Variants in GCLC observed in about 807,000 individuals in gnomAD.
GCLC encodes glutamate-cysteine ligase catalytic subunit.
A neutral mutation model predicts 81.5 loss-of-function variants in GCLC; 30 were observed. The ratio of observed to expected loss-of-function variants is 0.37; its 90% CI spans 0.28 to 0.50. The LOEUF is 0.50. Among genes scored for constraint, GCLC ranks in the 20% least tolerant of loss-of-function variants. GCLC has a pLI of 0.96. For synonymous variants in GCLC, 262 were observed against 273.3 expected, an observed-to-expected ratio of 0.96 and a Z score of 0.41; for missense variants, 556 against 777.4, an observed-to-expected ratio of 0.72 and a Z score of 3.39.
intron 4 of GCLC, among the ~76,000 whole-genome samples, chr6:53,515,719 A>C (rs1406050854): frequency 6.6e-6 from 1 of 152,222 alleles, no homozygotes; most frequent in East Asian, 1.9e-4. Flanking sequence ...AGTTATATAG[A>C]GTAAGATGGG....
In GCLC at chr6:53,506,403, T is replaced by A. The variant is rs777379235; in HGVS notation, c.1198-508A>T. The A allele has an allele frequency of 1.3e-4, 28 of 217,258 alleles. 1 individual carries two copies. In the South Asian group the frequency reaches 1.9e-3, roughly 15 times the overall value. The allele number at this position is 217,258 out of a possible 1,614,324, so 13.5% of individuals were successfully genotyped here. On this transcript the variant is annotated intron_variant, in intron 10 of 15. Coordinates refer to ENST00000650454, the MANE Select transcript of GCLC (RefSeq NM_001498.4). The surrounding 1 kb of genome is among the most constrained non-coding windows in gnomAD (Gnocchi z 4.0). ...CCGTCCTGACCATCTTGGGACCCGA[T>A]GGCAAGACTGGAAGGATTTATATCT...
chr6:53,514,542 A>T (rs376071415), intron 4 of GCLC, 45 bp from the exon 5 acceptor site: 3 of 1,361,866 alleles, frequency 2.2e-6, no homozygotes, highest in Non-Finnish European at 2.1e-6. Flanking sequence ...CCTAAGAGTC[A>T]TCGTGTAAAA....
rs75251208 is a variant in GCLC at position 53,530,706 on chromosome 6, G to A, written c.151-8179C>T. Among the ~76,000 whole-genome samples, 1,125 of 152,278 alleles carry A rather than the reference G, an allele frequency of 7.4e-3. 8 individuals are homozygous for A. Among genetic ancestry groups the A allele is most frequent in the African/African-American group, 0.022 (929 of 41,546 alleles). On this transcript the variant is annotated intron_variant, in intron 1 of 15. Transcript: ENST00000650454. The stretch of plus-strand genomic sequence containing the variant: ...TTTACCAAGCATATTCAATGGTGTC[G>A]TTTTGAAAGAGTGCTGGCATTTCAC...
At chr6:53,520,270 G>C (rs551180044) in intron 3 of GCLC, among the ~76,000 whole-genome samples, 1 of 152,158 alleles carries the variant, frequency 6.6e-6, no homozygotes, top group Non-Finnish European at 1.5e-5. Context: ...AATGACTCAC[G>C]TTGTTCATAG....
intron 3 of GCLC, among the ~76,000 whole-genome samples, chr6:53,517,470 T>C (rs192057321): frequency 6.6e-6 from 1 of 152,150 alleles, no homozygotes; most frequent in Admixed American, 6.5e-5. Context: ...CAAATCCACC[T>C]TGTAAACAAT....
chr6:53,534,818 A>C (rs542295210), intron 1 of GCLC, among the ~76,000 whole-genome samples: 1 of 152,224 alleles, frequency 6.6e-6, no homozygotes, highest in Non-Finnish European at 1.5e-5. Flanking sequence ...GAAATGAAAG[A>C]TGTAAGTAGA....
intron 13 of GCLC, 27 bp downstream of exon 13, chr6:53,500,402 TGAC>T: frequency 6.2e-7 from 1 of 1,604,712 alleles, no homozygotes; most frequent in Non-Finnish European, 8.5e-7. Flanking sequence ...CAGCATAAGC[TGAC>T]ATTAGAAATC....
rs1352606031 is a variant in GCLC, at chr6:53,545,031, C to A, written c.-386G>T. The A allele has an allele frequency of 6.1e-6, 1 of 163,370 alleles. No individual in the cohort carries two copies. The highest frequency in any genetic ancestry group is 1.3e-5 in the Non-Finnish European group (1 of 75,822). The allele number at this position is 163,370 out of a possible 1,614,324, so 10.1% of individuals were successfully genotyped here. A position where few individuals can be genotyped will look rare whatever the true frequency, so the allele number is the denominator to read the frequency against. ...TGCCGGTCTGGTGCACTGGCTTCTTCCTACTTGTGACCAAAACCTGCGCCG... is the reference window on the plus strand; with the variant it reads ...TGCCGGTCTGGTGCACTGGCTTCTTACTACTTGTGACCAAAACCTGCGCCG... On this transcript the variant is annotated 5_prime_UTR_variant, in exon 1 of 16. Coordinates refer to ENST00000650454, the MANE Select transcript of GCLC (RefSeq NM_001498.4).
In GCLC at chr6:53,507,403, T is replaced by A. The variant is rs1272821898; in HGVS notation, c.1084+77A>T. The A allele has an allele frequency of 3.5e-6, 5 of 1,447,570 alleles. No individual in the cohort carries two copies. The African/African-American group carries it at 7.0e-5, about 20-fold the overall frequency. The allele number at this position is 1,447,570 out of a possible 1,614,324, so 89.7% of individuals were successfully genotyped here. A position where few individuals can be genotyped will look rare whatever the true frequency, so the allele number is the denominator to read the frequency against. ...CTAAAAATAGAAACCAGACCAGGAG[T>A]CAGCAAAAAAGTGTAAAAGAGCTTT... is the stretch of plus-strand genomic sequence containing the variant. On this transcript the variant is annotated intron_variant, in intron 9 of 15. Transcript: ENST00000650454.
chr6:53,499,361 C>T lies in GCLC; in HGVS notation c.1703-394G>A, dbSNP rs751371382. The stretch of plus-strand genomic sequence containing the variant: ...CTCAGAGGACTGTAGGGTCCTTGAG[C>T]GATCTTTGATCAAAGAGGTGGAGAG... On this transcript the variant is annotated intron_variant, in intron 15 of 15. Transcript: ENST00000650454. 7.9e-5 allele frequency among the ~76,000 whole-genome samples: 12 copies of T among 152,088 alleles called. No individual in the cohort carries two copies. The East Asian group carries it at 1.7e-3, about 22-fold the overall frequency.
At position 53,509,173 on chromosome 6, in the gene GCLC, T is replaced by C. The variant is rs747484212; in HGVS notation, c.828+3A>G. On this transcript the variant is annotated splice_donor_region_variant and intron_variant, in intron 7 of 15. Coordinates refer to ENST00000650454, the MANE Select transcript of GCLC (RefSeq NM_001498.4). ...TTTAAAATAAGAGGTAATTTCTACTTACAACAATTGGACAGATAGTAGCCA... is the reference window on the plus strand; with the variant it reads ...TTTAAAATAAGAGGTAATTTCTACTCACAACAATTGGACAGATAGTAGCCA... 15 of 1,533,282 alleles carry C rather than the reference T, an allele frequency of 9.8e-6. No homozygotes were observed. Among genetic ancestry groups the C allele is most frequent in the Admixed American group, 3.3e-5 (2 of 59,904 alleles). The allele number at this position is 1,533,282 out of a possible 1,614,324, so 95.0% of individuals were successfully genotyped here.
intron 12 of GCLC, chr6:53,503,427 T>C (rs1764550894): frequency 6.6e-6 from 1 of 152,228 alleles, no homozygotes; most frequent in South Asian, 2.1e-4. Flanking sequence ...ACTTCTGGCA[T>C]ACTTTTAGCC....
chr6:53,517,078 A>ATTTTTTTTTT (rs1242492685), intron 3 of GCLC, among the ~76,000 whole-genome samples: 1 of 105,174 alleles, frequency 9.5e-6, no homozygotes, highest in Non-Finnish European at 1.9e-5. Context: ...TTTAAAAAAA[A>ATTTTTTTTTT]ATTTTTTTTT....
chr6:53,539,177 G>T (rs1763310230), intron 1 of GCLC, among the ~76,000 whole-genome samples: 2 of 152,314 alleles, frequency 1.3e-5, no homozygotes, highest in African/African-American at 4.8e-5. Flanking sequence ...TGTGAACTGT[G>T]CAGAAGGGCT....
At chr6:53,515,630 T>C (rs1764855345) in intron 4 of GCLC, among the ~76,000 whole-genome samples, 1 of 152,156 alleles carries the variant, frequency 6.6e-6, no homozygotes, top group South Asian at 2.1e-4. Context: ...ACCTCAGAAT[T>C]GAACAACAAA....
chr6:53,509,633 T>A (rs1424514081), intron 6 of GCLC: 1 of 269,162 alleles, frequency 3.7e-6, no homozygotes, highest in Non-Finnish European at 7.1e-6. Context: ...ACATGTTAAC[T>A]ATTGTTTTCT....
chr6:53,499,386 G>A (rs1764458063), intron 15 of GCLC, among the ~76,000 whole-genome samples: 1 of 152,184 alleles, frequency 6.6e-6, no homozygotes, highest in African/African-American at 2.4e-5. Flanking sequence ...GAGGTGGAGA[G>A]AATAAAGAAC....
intron 12 of GCLC, chr6:53,503,286 A>C (rs1420385066): frequency 6.6e-6 from 1 of 152,362 alleles, no homozygotes; most frequent in Non-Finnish European, 1.5e-5. Context: ...CACACACCGA[A>C]ACTGCCGGTG....
chr6:53,524,881 AGT>A (rs1763055118), intron 1 of GCLC, among the ~76,000 whole-genome samples: 1 of 152,236 alleles, frequency 6.6e-6, no homozygotes, highest in Admixed American at 6.5e-5. Context: ...TTAGCCCACA[AGT>A]TTAAAACATG....
Sources: gnomAD v4.1 joint callset for allele counts (sites outside exome capture counted in the v4.1 genomes callset) on GRCh38, gnomAD v4.1.1 for gene constraint, Gnocchi (gnomAD v3.1) non-coding constraint, MANE v1.5 for transcripts, NCBI Gene and HGNC (gene_info 2026-07-23, HGNC 2026-07-21) for gene names.